Variants in GLIS3 observed in about 807,000 individuals in gnomAD.
GLIS3 encodes GLIS family zinc finger 3, also known as zinc finger protein GLIS3.
Under a neutral mutation model 78.6 loss-of-function variants are expected in GLIS3, and 53 were observed. The observed-to-expected ratio is 0.67, with a 90% CI of 0.54 to 0.85. The LOEUF is 0.85. Ranked by LOEUF, GLIS3 falls within the 40% of genes least tolerant of loss-of-function variation. The pLI, the probability that GLIS3 is intolerant of heterozygous loss-of-function variation, is 0.00. For missense variants in GLIS3, 1,703 were observed against 1,231.1 expected (o/e 1.38, Z -5.74); for synonymous variants, 684 against 509.9 (o/e 1.34, Z -4.60).
rs1253899920 is a variant in GLIS3, at chr9:3,879,482, G to T, written c.2242C>A (p.His748Asn). Reference protein sequence around the residue: ...SPGHNVQGSPHNPSSQLPPLT... With the variant: ...SPGHNVQGSPNNPSSQLPPLT... ...GGAGGTAACTGGGAGGAGGGGTTGTGAGGGCTCCCCTGTACATTATGTCCT... is the reference window on the plus strand; with the variant it reads ...GGAGGTAACTGGGAGGAGGGGTTGTTAGGGCTCCCCTGTACATTATGTCCT... The change falls in exon 8 of 11, where the codon CAC becomes AAC. Residue 748 changes from histidine to asparagine, a missense_variant. His to Asn is a moderately conservative substitution (Grantham distance 68). Transcript: ENST00000381971. 4.3e-6 allele frequency: 7 copies of T among 1,614,042 alleles called. No homozygotes were observed. The highest frequency in any genetic ancestry group is 5.9e-6 in the Non-Finnish European group (7 of 1,180,024).
At chr9:4,448,033 T>G in the GLIS3 span, among the ~76,000 whole-genome samples, 4 of 152,302 alleles carry the variant, frequency 2.6e-5, no homozygotes, top group Non-Finnish European at 4.4e-5. Flanking sequence ...ATTACAGTCA[T>G]GAGCCACCAC....
intron 6 of GLIS3, among the ~76,000 whole-genome samples, chr9:3,906,915 T>A (rs1291903967): frequency 6.6e-6 from 1 of 152,216 alleles, no homozygotes; most frequent in African/African-American, 2.4e-5. Context: ...AGCATACTAT[T>A]CATTCTTCCT....
At chr9:4,389,939 G>A in the GLIS3 span, among the ~76,000 whole-genome samples, 2 of 152,232 alleles carry the variant, frequency 1.3e-5, no homozygotes, top group Non-Finnish European at 2.9e-5. Flanking sequence ...AGTAAAATGA[G>A]TGACACATAT....
chr9:4,132,774 G>C (rs1242250704), intron 2 of GLIS3, among the ~76,000 whole-genome samples: 1 of 152,102 alleles, frequency 6.6e-6, no homozygotes, highest in Non-Finnish European at 1.5e-5. Flanking sequence ...GATCATACGA[G>C]AGCAATTTCT....
At chr9:4,003,375 G>A (rs1821274059) in intron 4 of GLIS3, among the ~76,000 whole-genome samples, 1 of 152,176 alleles carries the variant, frequency 6.6e-6, no homozygotes, top group Admixed American at 6.5e-5. Flanking sequence ...AGAGATAGAG[G>A]TAGGAGACAG....
intron 3 of GLIS3, among the ~76,000 whole-genome samples, chr9:4,122,569 A>G (rs1193510449): frequency 6.6e-6 from 1 of 152,188 alleles, no homozygotes; most frequent in Non-Finnish European, 1.5e-5. Context: ...TGATGGCTGA[A>G]CTTTGTCACT....
chr9:4,225,322 C>T (rs551429787), intron 2 of GLIS3, among the ~76,000 whole-genome samples: 2 of 152,198 alleles, frequency 1.3e-5, no homozygotes, highest in African/African-American at 4.8e-5. Flanking sequence ...TAGTATAGAC[C>T]TGCTAGTCAA....
chr9:4,157,707 T>A (rs1835140626), intron 2 of GLIS3, among the ~76,000 whole-genome samples: 1 of 152,182 alleles, frequency 6.6e-6, no homozygotes, highest in Admixed American at 6.5e-5. Context: ...GTGCATGCAT[T>A]ACAGGAGGAT....
the GLIS3 span, among the ~76,000 whole-genome samples, chr9:4,370,340 A>C: frequency 6.6e-6 from 1 of 152,268 alleles, no homozygotes; most frequent in East Asian, 1.9e-4. Context: ...CCAGGACAGC[A>C]GCCCTGCTCC....
At chr9:4,446,748 C>G in the GLIS3 span, among the ~76,000 whole-genome samples, 1 of 151,032 alleles carries the variant, frequency 6.6e-6, no homozygotes, top group Non-Finnish European at 1.5e-5. Context: ...CTCCTGAACT[C>G]GGGTGACCTG....
intron 4 of GLIS3, among the ~76,000 whole-genome samples, chr9:4,101,921 C>G (rs1830398520): frequency 6.6e-6 from 1 of 152,178 alleles, no homozygotes; most frequent in Non-Finnish European, 1.5e-5. Flanking sequence ...GGCAGAGCAT[C>G]CAAGGACACA....
intron 4 of GLIS3, among the ~76,000 whole-genome samples, chr9:4,043,286 A>G (rs1824979337): frequency 6.6e-6 from 1 of 152,020 alleles, no homozygotes; most frequent in South Asian, 2.1e-4. Flanking sequence ...TCAAGTATGA[A>G]GTGTAGAGTG....
At chr9:4,087,184 T>G (rs1042299842) in intron 4 of GLIS3, among the ~76,000 whole-genome samples, 3 of 152,164 alleles carry the variant, frequency 2.0e-5, no homozygotes, top group Non-Finnish European at 4.4e-5. Flanking sequence ...GTAATAATAA[T>G]AAATACTAGG....
At position 4,320,016 on chromosome 9, in the gene GLIS3, TGTGTGTGTGC is replaced by T. The variant is rs980618642; in HGVS notation, n.265-9498_265-9489del. ...GTGTGTGTGTGTGTGTGTGTGTGTG[TGTGTGTGTGC>T]GCGCGCACAAGAGTCAAATTAGTTG... On this transcript the variant is annotated intron_variant and non_coding_transcript_variant, in intron 2 of 4. Coordinates refer to the GLIS3 transcript ENST00000471664. 1.2e-3 allele frequency among the ~76,000 whole-genome samples: 49 copies of T among 39,484 alleles called. No individual in the cohort carries two copies. In the East Asian group the frequency reaches 0.052, roughly 42 times the overall value. 25.9% of individuals were successfully genotyped at this position (39,484 alleles called of 152,430 possible). A position where few individuals can be genotyped will look rare whatever the true frequency, so the allele number is the denominator to read the frequency against.
intron 2 of GLIS3, among the ~76,000 whole-genome samples, chr9:4,187,428 A>G (rs574203769): frequency 3.2e-4 from 49 of 152,226 alleles, no homozygotes; most frequent in African/African-American, 4.6e-4. Flanking sequence ...GTCAGGTAGC[A>G]TGATGCCTCC....
intron 4 of GLIS3, among the ~76,000 whole-genome samples, chr9:4,061,071 T>C (rs1826607772): frequency 6.6e-6 from 1 of 152,196 alleles, no homozygotes; most frequent in Admixed American, 6.5e-5. Flanking sequence ...CCATTTTTTT[T>C]TTTTACTATT....
chr9:4,107,212 G>C (rs1372537521), intron 4 of GLIS3, among the ~76,000 whole-genome samples: 6 of 152,170 alleles, frequency 3.9e-5, no homozygotes, highest in African/African-American at 1.2e-4. Context: ...GTAAGTCAGA[G>C]AAGAAGCAGG....
intron 9 of GLIS3, among the ~76,000 whole-genome samples, chr9:3,843,342 C>G (rs1349015260): frequency 2.0e-5 from 3 of 152,176 alleles, no homozygotes; most frequent in Non-Finnish European, 4.4e-5. Flanking sequence ...TGCTTCATAG[C>G]TGAGTCTCTA....
At chr9:4,189,615 T>A (rs973595635) in intron 2 of GLIS3, among the ~76,000 whole-genome samples, 1 of 152,156 alleles carries the variant, frequency 6.6e-6, no homozygotes, top group Non-Finnish European at 1.5e-5. Flanking sequence ...CCCATTATTA[T>A]TGTGTGGGAG....
Sources: gnomAD v4.1 joint callset for allele counts (sites outside exome capture counted in the v4.1 genomes callset) on GRCh38, gnomAD v4.1.1 for gene constraint, MANE v1.5 for transcripts, NCBI Gene and HGNC (gene_info 2026-07-23, HGNC 2026-07-21) for gene names.